The following ZBED4 variants were observed in gnomAD, a reference collection of about 807,000 sequenced individuals.
ZBED4 encodes zinc finger BED domain-containing protein 4.
ZBED4 carries 4 observed loss-of-function variants against 15.5 expected under a neutral mutation model. The observed-to-expected ratio is 0.26, with a 90% CI of 0.13 to 0.59. The LOEUF is 0.59. ZBED4 is among the 20% of genes least tolerant of loss of function. ZBED4 has a pLI of 0.90. For missense variants in ZBED4, 1,323 were observed against 1,461.8 expected (o/e 0.91, Z 1.55); for synonymous variants, 692 against 608.5 (o/e 1.14, Z -2.02).
In ZBED4 at chr22:49,883,699, G is replaced by A. The variant is rs753308540; in HGVS notation, c.37G>A (p.Gly13Ser). ...CTTGAAAACTTGTCCCAAAGAGGAC[G>A]GTGATTTCGTTTCTGATAAAATAAA... is the stretch of plus-strand genomic sequence containing the variant. ...NNLKTCPKEDGDFVSDKIKFK... is the reference protein window; with the variant it reads ...NNLKTCPKEDSDFVSDKIKFK... Residue 13 changes from glycine to serine, a missense_variant, in exon 2 of 2, where the codon GGT becomes AGT. Transcript: ENST00000216268. 2.9e-5 allele frequency: 46 copies of A among 1,601,424 alleles called. No individual in the cohort carries two copies. The Admixed American group carries it at 4.1e-4, about 14-fold the overall frequency.
At position 49,883,653 on chromosome 22, in the gene ZBED4, A is replaced by T. The variant is rs766246929; in HGVS notation, c.-10A>T. 99 of 1,547,246 alleles carry T rather than the reference A, an allele frequency of 6.4e-5. No individual in the cohort carries two copies. Among genetic ancestry groups the T allele is most frequent in the Non-Finnish European group, 8.0e-5 (91 of 1,140,338 alleles). On this transcript the variant is annotated 5_prime_UTR_variant, in exon 2 of 2. The change abolishes an upstream ATG in the 5' untranslated region. Coordinates refer to ENST00000216268, the MANE Select transcript of ZBED4 (RefSeq NM_014838.3). ...AACCTAAGATACAGCCGGAGTAGTT[A>T]TGGTCAGTCATGGAGAATAACTTGA... is the stretch of plus-strand genomic sequence containing the variant.
At chr22:49,864,017 C>T (rs529785806) in intron 1 of ZBED4, among the ~76,000 whole-genome samples, 7 of 152,242 alleles carry the variant, frequency 4.6e-5, no homozygotes, top group Admixed American at 3.9e-4. Context: ...TGTATTTTTC[C>T]GGCTCCAGAC....
At position 49,884,877 on chromosome 22, in the gene ZBED4, T is replaced by C. The variant is rs1216317648; in HGVS notation, c.1215T>C (p.Asp405=). 1 of 1,605,786 alleles carries C rather than the reference T, an allele frequency of 6.2e-7. No homozygotes were observed. Among genetic ancestry groups the C allele is most frequent in the East Asian group, 2.2e-5 (1 of 44,680 alleles). ...EDLQSHLNPG[D]GLMEDVAAFS... ...TGCAGTCTCACTTGAACCCTGGAGA[T>C]GGGCTGATGGAAGACGTGGCGGCCT... The change falls in exon 2 of 2, where the codon GAT becomes GAC. Residue 405 remains aspartate, a synonymous_variant. Transcript: ENST00000216268.
intron 1 of ZBED4, among the ~76,000 whole-genome samples, chr22:49,866,618 G>A (rs1207033897): frequency 6.6e-6 from 1 of 152,120 alleles, no homozygotes; most frequent in African/African-American, 2.4e-5. Context: ...GCAAGAGGAA[G>A]TTACCGTTTT....
chr22:49,857,856 A>G (rs558509902), intron 1 of ZBED4, among the ~76,000 whole-genome samples: 43 of 152,360 alleles, frequency 2.8e-4, no homozygotes, highest in Middle Eastern at 3.4e-3. Flanking sequence ...TCCCAGGTTA[A>G]AGCGATTCTC....
chr22:49,883,700 G>T lies in ZBED4; in HGVS notation c.38G>T (p.Gly13Val). 6.2e-7 allele frequency: 1 copy of T among 1,602,350 alleles called. No homozygotes were observed. Among genetic ancestry groups the T allele is most frequent in the Non-Finnish European group, 8.5e-7 (1 of 1,171,296 alleles). ...NNLKTCPKED[G>V]DFVSDKIKFK... ...TTGAAAACTTGTCCCAAAGAGGACGGTGATTTCGTTTCTGATAAAATAAAG... is the reference window on the plus strand; with the variant it reads ...TTGAAAACTTGTCCCAAAGAGGACGTTGATTTCGTTTCTGATAAAATAAAG... Residue 13 changes from glycine (G) to valine (V), a missense_variant, in exon 2 of 2, where the codon GGT becomes GTT. Coordinates refer to ENST00000216268, the MANE Select transcript of ZBED4 (RefSeq NM_014838.3).
At position 49,885,975 on chromosome 22, in the gene ZBED4, C is replaced by T. The variant is rs372475379; in HGVS notation, c.2313C>T (p.Asp771=). ...ACCACCACTGCTCGGCGCTGTTGGA[C>T]GTGTCGCAGGTGGACTGCGACTACA... ...CDDHHCSALL[D]VSQVDCDYSG... Residue 771 remains aspartate, a synonymous_variant, in exon 2 of 2, where the codon GAC becomes GAT. Coordinates refer to ENST00000216268, the MANE Select transcript of ZBED4 (RefSeq NM_014838.3). The T allele has an allele frequency of 2.7e-5, 19 of 706,900 alleles. No homozygotes were observed. Among genetic ancestry groups the T allele is most frequent in the African/African-American group, 1.4e-4 (8 of 56,630 alleles). The allele number at this position is 706,900 out of a possible 1,614,324, so 43.8% of individuals were successfully genotyped here. A position where few individuals can be genotyped will look rare whatever the true frequency, so the allele number is the denominator to read the frequency against.
intron 1 of ZBED4, among the ~76,000 whole-genome samples, chr22:49,855,369 A>G (rs748004292): frequency 6.6e-6 from 1 of 152,166 alleles, no homozygotes; most frequent in Non-Finnish European, 1.5e-5. Flanking sequence ...TTGTCCAGGT[A>G]ATTCCTGAAT....
Position 49,885,412 on chromosome 22 carries a change from C to G in ZBED4, c.1750C>G (p.Arg584Gly). The G allele has an allele frequency of 1.9e-6, 3 of 1,604,326 alleles. No homozygotes were observed. The highest frequency in any genetic ancestry group is 2.6e-6 in the Non-Finnish European group (3 of 1,172,768). ...AAAAGTCGTGTGCTTGCACTGTGGC[C>G]GGACCATCAGCCGGGGGAAGAAGCC... ...STKVVCLHCG[R>G]TISRGKKPTN... The change falls in exon 2 of 2, where the codon CGG (arginine) becomes GGG (glycine). Residue 584 changes from arginine (R) to glycine (G), a missense_variant. Transcript: ENST00000216268.
intron 1 of ZBED4, among the ~76,000 whole-genome samples, chr22:49,871,281 G>GT (rs1374211745): frequency 7.1e-6 from 1 of 140,794 alleles, no homozygotes; most frequent in Non-Finnish European, 1.5e-5. Context: ...GAGGTCAGGA[G>GT]TTCGAGACCA....
intron 1 of ZBED4, among the ~76,000 whole-genome samples, chr22:49,869,992 C>T (rs2060339291): frequency 1.3e-5 from 2 of 152,128 alleles, no homozygotes; most frequent in East Asian, 1.9e-4. Flanking sequence ...TCCTCACTCT[C>T]GCAGTCCCAG....
In ZBED4 at chr22:49,884,823, C is replaced by T. The variant is rs1175202705; in HGVS notation, c.1161C>T (p.Ser387=). ...VKPVRESPSA[S]SSPDRLTEDL... is the part of the protein sequence containing the mutation. ...CGGTCAGAGAGTCCCCTTCGGCCTC[C>T]TCCTCCCCTGACAGGCTGACTGAGG... Residue 387 remains serine, a synonymous_variant, in exon 2 of 2, where the codon TCC becomes TCT. Transcript: ENST00000216268. 1 of 1,610,826 alleles carries T rather than the reference C, an allele frequency of 6.2e-7. No homozygotes were observed. The highest frequency in any genetic ancestry group is 1.1e-5 in the South Asian group (1 of 90,942).
rs1302752895 is a variant in ZBED4, at chr22:49,884,797, C to G, written c.1135C>G (p.Pro379Ala). The G allele has an allele frequency of 6.2e-7, 1 of 1,609,140 alleles. No homozygotes were observed. Among genetic ancestry groups the G allele is most frequent in the Admixed American group, 1.7e-5 (1 of 59,810 alleles). ...CTCTGTGTCCTCGTCTCCAGTAAAG[C>G]CGGTCAGAGAGTCCCCTTCGGCCTC... is the stretch of plus-strand genomic sequence containing the variant. ...LSSVSSSPVK[P>A]VRESPSASSS... The change falls in exon 2 of 2, where the codon CCG becomes GCG. Residue 379 changes from proline (P) to alanine (A), a missense_variant. This residue lies in a region of ZBED4 where 429 missense variants were observed against 397.9 expected (regional missense o/e 1.08). Coordinates refer to ENST00000216268, the MANE Select transcript of ZBED4 (RefSeq NM_014838.3).
intron 1 of ZBED4, among the ~76,000 whole-genome samples, chr22:49,866,318 A>G (rs1057046103): frequency 6.6e-6 from 1 of 151,850 alleles, no homozygotes; most frequent in Non-Finnish European, 1.5e-5. Context: ...GATTGTACAT[A>G]TGTTGGATCT....
In ZBED4 at chr22:49,886,640, T is replaced by C; in HGVS notation, c.2978T>C (p.Leu993Pro). The C allele has an allele frequency of 6.3e-7, 1 of 1,592,854 alleles. No individual in the cohort carries two copies. The highest frequency in any genetic ancestry group is 8.5e-7 in the Non-Finnish European group (1 of 1,170,160). The change falls in exon 2 of 2, where the codon CTG becomes CCG. Residue 993 changes from leucine (L) to proline (P), a missense_variant. Physicochemically the swap from Leu to Pro is moderately conservative, Grantham distance 98 (BLOSUM62 -3). Transcript: ENST00000216268. The surrounding 1 kb of genome is among the most constrained non-coding windows in gnomAD (Gnocchi z 7.7). ...RSLKEAMVSR[L>P]SATLHDPRYV... ...CTGAAGGAGGCCATGGTGAGCCGCC[T>C]GTCTGCCACCCTCCACGACCCGCGG... is the stretch of plus-strand genomic sequence containing the variant.
upstream of ZBED4, among the ~76,000 whole-genome samples, chr22:49,853,608 C>T (rs1478669922): frequency 6.6e-6 from 1 of 152,078 alleles, no homozygotes; most frequent in Non-Finnish European, 1.5e-5. Context: ...GCGCCCACTG[C>T]GCCTGCGTAG....
chr22:49,880,483 C>T (rs997230393), intron 1 of ZBED4, among the ~76,000 whole-genome samples: 5 of 152,248 alleles, frequency 3.3e-5, no homozygotes, highest in African/African-American at 7.2e-5. Context: ...GAAGCCCCGC[C>T]GTGAGCGAGG....
At chr22:49,865,220 G>A (rs58876234) in intron 1 of ZBED4, among the ~76,000 whole-genome samples, 16,979 of 152,106 alleles carry the variant, frequency 0.11, 1,297 homozygotes, top group African/African-American at 0.21. Flanking sequence ...TTGTAACACC[G>A]TGGCAAGTAT....
intron 1 of ZBED4, among the ~76,000 whole-genome samples, chr22:49,875,555 G>A (rs6009911): frequency 0.057 from 8,606 of 151,756 alleles, 652 homozygotes; most frequent in African/African-American, 0.17. Context: ...CAGGTAGCTG[G>A]GGTTACAGGT....
Sources: allele counts gnomAD v4.1 joint callset (sites outside exome capture counted in the v4.1 genomes callset), GRCh38; gene constraint gnomAD v4.1.1; regional missense constraint gnomAD v4.1.1; non-coding constraint Gnocchi (gnomAD v3.1); transcripts MANE v1.5; gene names NCBI Gene and HGNC (gene_info 2026-07-23, HGNC 2026-07-21).